PTPRT: variants seen among roughly 807,000 people sequenced by gnomAD.
PTPRT encodes protein tyrosine phosphatase receptor type T, also known as receptor-type tyrosine-protein phosphatase T.
PTPRT carries 56 observed loss-of-function variants against 176.8 expected under a neutral mutation model. The ratio of observed to expected loss-of-function variants is 0.32; its 90% CI spans 0.26 to 0.40. The LOEUF (loss-of-function observed/expected upper bound fraction) is 0.40. Among genes scored for constraint, PTPRT ranks in the 10% least tolerant of loss-of-function variants. The pLI, the probability that PTPRT is intolerant of heterozygous loss-of-function variation, is 1.00. For synonymous variants in PTPRT, 783 were observed against 739.0 expected, an observed-to-expected ratio of 1.06 and a Z score of -0.96; for missense variants, 1,540 against 1,908.2, an observed-to-expected ratio of 0.81 and a Z score of 3.60.
intron 1 of PTPRT, among the ~76,000 whole-genome samples, chr20:42,961,678 G>A (rs1981992324): frequency 1.3e-5 from 2 of 152,256 alleles, no homozygotes; most frequent in South Asian, 4.1e-4. Flanking sequence ...CCAGGGAGGG[G>A]TACTGTGGTC....
At chr20:42,690,727 T>C (rs549545845) in intron 6 of PTPRT, among the ~76,000 whole-genome samples, 11 of 152,346 alleles carry the variant, frequency 7.2e-5, no homozygotes, top group African/African-American at 2.6e-4. Flanking sequence ...TGAGGTGTAC[T>C]GGAAAGTAAA....
intron 1 of PTPRT, among the ~76,000 whole-genome samples, chr20:43,101,785 T>C (rs1399134584): frequency 1.3e-5 from 2 of 152,122 alleles, no homozygotes; most frequent in Non-Finnish European, 1.5e-5. Flanking sequence ...CCACCCACAG[T>C]CATGGGAGTA....
At chr20:42,493,720 C>CTAAAATGG (rs1204050408) in intron 7 of PTPRT, among the ~76,000 whole-genome samples, 5 of 152,054 alleles carry the variant, frequency 3.3e-5, no homozygotes, top group African/African-American at 1.2e-4. Flanking sequence ...CCTTCTTAAC[C>CTAAAATGG]ACATCCATCC....
chr20:42,335,969 C>G (rs2058033837), intron 11 of PTPRT, among the ~76,000 whole-genome samples: 1 of 152,116 alleles, frequency 6.6e-6, no homozygotes, highest in Non-Finnish European at 1.5e-5. Context: ...AGTTAGTTAA[C>G]CTTTCAGTAC....
intron 7 of PTPRT, among the ~76,000 whole-genome samples, chr20:42,543,812 G>A (rs565524272): frequency 1.2e-3 from 179 of 152,182 alleles, no homozygotes; most frequent in Non-Finnish European, 1.2e-3. Context: ...TGAAAACAAC[G>A]TTAATCTTTT....
chr20:42,226,073 T>C (rs543777833), intron 15 of PTPRT, among the ~76,000 whole-genome samples: 1 of 152,364 alleles, frequency 6.6e-6, no homozygotes, highest in East Asian at 1.9e-4. Flanking sequence ...GCCTTTGTTA[T>C]GTCTTCACTG....
chr20:42,102,277 G>T lies in PTPRT; in HGVS notation c.3561C>A (p.Pro1187=), dbSNP rs750189829. ...TGCTGCAGTCCTCGGGCCGCACACG[G>T]GGTGTCACAATGTTGAGGGTCTGTG... is the stretch of plus-strand genomic sequence containing the variant. ...DEFQTLNIVT[P]RVRPEDCSIG... is the part of the protein sequence containing the mutation. The change falls in exon 26 of 31, where the codon CCC becomes CCA. Residue 1187 remains proline (P), a synonymous_variant. Transcript: ENST00000373187. 4.3e-6 allele frequency: 7 copies of T among 1,614,110 alleles called. No individual in the cohort carries two copies. In the South Asian group the frequency reaches 7.7e-5, roughly 18 times the overall value.
At chr20:43,101,614 T>C (rs1336698001) in intron 1 of PTPRT, among the ~76,000 whole-genome samples, 1 of 150,984 alleles carries the variant, frequency 6.6e-6, no homozygotes, top group Admixed American at 6.6e-5. Flanking sequence ...GTCTAATATT[T>C]CAAGGGAAGG....
intron 1 of PTPRT, among the ~76,000 whole-genome samples, chr20:43,184,564 A>G (rs2425617): frequency 0.92 from 139,495 of 152,032 alleles, 64,199 homozygotes; most frequent in Non-Finnish European, 0.95. Flanking sequence ...GCGTGCACCT[A>G]TGGTCCCAGC....
At chr20:42,534,120 A>G (rs1412641054) in intron 7 of PTPRT, among the ~76,000 whole-genome samples, 1 of 152,162 alleles carries the variant, frequency 6.6e-6, no homozygotes, top group African/African-American at 2.4e-5. Flanking sequence ...AGGTGTCTGC[A>G]TTTTCTTCCT....
chr20:42,307,998 C>T (rs541580118), intron 12 of PTPRT, among the ~76,000 whole-genome samples: 10 of 152,306 alleles, frequency 6.6e-5, no homozygotes, highest in African/African-American at 2.4e-4. Flanking sequence ...AAAGCCACTT[C>T]TACCGGCACC....
intron 17 of PTPRT, among the ~76,000 whole-genome samples, chr20:42,143,900 G>C (rs532621913): frequency 4.1e-4 from 62 of 152,338 alleles, no homozygotes; most frequent in Non-Finnish European, 7.1e-4. Context: ...TCCCACCATG[G>C]GGTTGGCACA....
chr20:42,232,796 G>A (rs889772882), intron 15 of PTPRT, among the ~76,000 whole-genome samples: 4 of 89,802 alleles, frequency 4.5e-5, no homozygotes, highest in African/African-American at 1.8e-4. Flanking sequence ...CCAGTATCAT[G>A]TTTCTTCTCT....
chr20:42,094,732 A>G (rs6093567), intron 27 of PTPRT, among the ~76,000 whole-genome samples: 3 of 152,094 alleles, frequency 2.0e-5, no homozygotes, highest in Admixed American at 1.3e-4. Flanking sequence ...TCTACTAAAC[A>G]TACAAAAATT....
chr20:42,422,544 A>C (rs2059127933), intron 9 of PTPRT, among the ~76,000 whole-genome samples: 2 of 152,208 alleles, frequency 1.3e-5, no homozygotes, highest in Non-Finnish European at 2.9e-5. Flanking sequence ...AAGTCAAAAA[A>C]TAAACAGATG....
intron 1 of PTPRT, among the ~76,000 whole-genome samples, chr20:43,029,754 T>C (rs1019163876): frequency 2.0e-5 from 3 of 152,258 alleles, no homozygotes; most frequent in African/African-American, 7.2e-5. Flanking sequence ...GAAGAACATA[T>C]ACCCTCACTT....
intron 1 of PTPRT, among the ~76,000 whole-genome samples, chr20:42,970,431 A>T (rs958451148): frequency 1.3e-5 from 2 of 152,126 alleles, no homozygotes; most frequent in Non-Finnish European, 2.9e-5. Flanking sequence ...CTCACACTAC[A>T]GTGGTTATAC....
intron 17 of PTPRT, among the ~76,000 whole-genome samples, chr20:42,149,620 CT>C (rs1264092498): frequency 6.6e-6 from 1 of 152,070 alleles, no homozygotes; most frequent in African/African-American, 2.4e-5. Context: ...GACGGGGTTT[CT>C]CCATGTTGGT....
At chr20:43,027,632 A>G (rs1444471220) in intron 1 of PTPRT, among the ~76,000 whole-genome samples, 1 of 152,164 alleles carries the variant, frequency 6.6e-6, no homozygotes, top group Non-Finnish European at 1.5e-5. Flanking sequence ...CAAGCCAAGG[A>G]GAGAGGCCTC....
Sources: gnomAD v4.1 joint callset for allele counts (sites outside exome capture counted in the v4.1 genomes callset) on GRCh38, gnomAD v4.1.1 for gene constraint, MANE v1.5 for transcripts, NCBI Gene and HGNC (gene_info 2026-07-23, HGNC 2026-07-21) for gene names.